TENM4: variants seen among roughly 807,000 people sequenced by gnomAD.
TENM4 encodes the protein teneurin-4.
Under a neutral mutation model 243.3 loss-of-function variants are expected in TENM4, and 82 were observed. That is an observed-to-expected ratio of 0.34 (90% CI 0.28 to 0.40). TENM4 has a LOEUF of 0.40. TENM4 is among the 10% of genes least tolerant of loss of function. TENM4 has a pLI of 1.00. For synonymous variants in TENM4, 1,412 were observed against 1,456.3 expected (o/e 0.97, Z 0.69); for missense variants, 3,138 against 3,673.3 (o/e 0.85, Z 3.77).
chr11:78,955,882 G>A (rs866532372), intron 6 of TENM4, among the ~76,000 whole-genome samples: 6 of 152,280 alleles, frequency 3.9e-5, no homozygotes, highest in Non-Finnish European at 5.9e-5. Context: ...CCCTCAATGC[G>A]GGGCCATAAT....
chr11:78,687,381 GA>G (rs1858710926), intron 29 of TENM4, among the ~76,000 whole-genome samples: 1 of 152,186 alleles, frequency 6.6e-6, no homozygotes, highest in Non-Finnish European at 1.5e-5. Flanking sequence ...GAGGTACAAA[GA>G]GCCATCCAGC....
chr11:79,060,701 T>C (rs1031928706), intron 6 of TENM4, among the ~76,000 whole-genome samples: 39 of 152,210 alleles, frequency 2.6e-4, no homozygotes, highest in African/African-American at 8.7e-4. Flanking sequence ...TCTGCCAACT[T>C]GCTGACTCGC....
At chr11:78,761,110 A>G (rs183458704) in intron 18 of TENM4, among the ~76,000 whole-genome samples, 46 of 151,726 alleles carry the variant, frequency 3.0e-4, no homozygotes, top group African/African-American at 1.1e-3. Context: ...TGCATGTTGT[A>G]GTTGTTGATT....
At chr11:79,411,568 C>T (rs539134994) in intron 1 of TENM4, among the ~76,000 whole-genome samples, 1 of 152,240 alleles carries the variant, frequency 6.6e-6, no homozygotes, top group East Asian at 1.9e-4. Flanking sequence ...TCCTCTCTTC[C>T]CCCTTGTCAT....
chr11:79,105,838 T>C (rs1399061139), intron 4 of TENM4, among the ~76,000 whole-genome samples: 1 of 152,236 alleles, frequency 6.6e-6, no homozygotes, highest in African/African-American at 2.4e-5. Context: ...AGAACCAGCT[T>C]ATGCCGGGTG....
At chr11:79,360,674 T>G (rs481975) in intron 1 of TENM4, among the ~76,000 whole-genome samples, 111,240 of 152,114 alleles carry the variant, frequency 0.73, 40,926 homozygotes, top group Middle Eastern at 0.8. Flanking sequence ...GACTGTCAGA[T>G]TTTTAGCCGT....
At chr11:79,360,277 A>G (rs569425454) in intron 1 of TENM4, among the ~76,000 whole-genome samples, 1 of 152,342 alleles carries the variant, frequency 6.6e-6, no homozygotes, top group African/African-American at 2.4e-5. Flanking sequence ...GATTTCAAAA[A>G]TTTCTTGTAC....
intron 7 of TENM4, among the ~76,000 whole-genome samples, chr11:78,900,932 C>A (rs548922): frequency 0.22 from 33,365 of 152,116 alleles, 3,909 homozygotes; most frequent in Middle Eastern, 0.3. Context: ...GAATTAAGCA[C>A]CTTTTCCGGC....
chr11:79,337,862 C>T (rs942976852), intron 1 of TENM4, among the ~76,000 whole-genome samples: 1 of 152,196 alleles, frequency 6.6e-6, no homozygotes, highest in Non-Finnish European at 1.5e-5. Flanking sequence ...TATCGCTATC[C>T]ACACTCTGCA....
At chr11:79,226,160 A>G (rs1429124291) in intron 2 of TENM4, among the ~76,000 whole-genome samples, 2 of 152,230 alleles carry the variant, frequency 1.3e-5, no homozygotes, top group Non-Finnish European at 2.9e-5. Flanking sequence ...TTCCCAATCC[A>G]AACACAACTG....
chr11:78,751,018 C>G (rs1181833034), intron 19 of TENM4, among the ~76,000 whole-genome samples: 2 of 152,044 alleles, frequency 1.3e-5, no homozygotes, highest in Non-Finnish European at 1.5e-5. Flanking sequence ...TAGCATGGAC[C>G]ACAGGCGTGC....
chr11:78,872,427 G>C (rs1464042798), intron 9 of TENM4, among the ~76,000 whole-genome samples: 1 of 152,214 alleles, frequency 6.6e-6, no homozygotes, highest in Non-Finnish European at 1.5e-5. Flanking sequence ...CTGGTGTGAG[G>C]AGTCAGCATT....
intron 1 of TENM4, among the ~76,000 whole-genome samples, chr11:79,367,645 T>C (rs1857702300): frequency 6.6e-6 from 1 of 152,206 alleles, no homozygotes; most frequent in Admixed American, 6.5e-5. Context: ...GCTTCAGAAA[T>C]AACTGACTTA....
intron 6 of TENM4, among the ~76,000 whole-genome samples, chr11:79,032,339 G>A (rs1324410842): frequency 6.6e-6 from 1 of 152,088 alleles, no homozygotes; most frequent in African/African-American, 2.4e-5. Flanking sequence ...ACCTCGAAGG[G>A]TCCATAGGAG....
intron 3 of TENM4, among the ~76,000 whole-genome samples, chr11:79,203,597 A>G (rs1863790228): frequency 6.6e-6 from 1 of 152,356 alleles, no homozygotes; most frequent in Admixed American, 6.5e-5. Context: ...AAATAGAGAA[A>G]TTATAACAAT....
chr11:79,247,004 C>T (rs549120580), intron 2 of TENM4, among the ~76,000 whole-genome samples: 76 of 150,074 alleles, frequency 5.1e-4, no homozygotes, highest in African/African-American at 1.8e-3. Flanking sequence ...AAAAACACCC[C>T]CCCACCCCCA....
chr11:79,211,545 C>T (rs923200204), intron 3 of TENM4, among the ~76,000 whole-genome samples: 2 of 152,116 alleles, frequency 1.3e-5, no homozygotes, highest in East Asian at 1.9e-4. Context: ...GTGGAGTTTT[C>T]GAGGTTGAAT....
intron 22 of TENM4, among the ~76,000 whole-genome samples, chr11:78,726,674 G>A (rs1186534688): frequency 6.6e-6 from 1 of 152,062 alleles, no homozygotes; most frequent in East Asian, 1.9e-4. Flanking sequence ...TGGTGAGCGA[G>A]TTCTCCTGAG....
At chr11:79,285,116 T>C (rs1168881117) in intron 2 of TENM4, among the ~76,000 whole-genome samples, 5 of 152,084 alleles carry the variant, frequency 3.3e-5, no homozygotes, top group Non-Finnish European at 7.4e-5. Flanking sequence ...TGGGCATCTG[T>C]AGTCCCAGCT....
Sources: allele counts gnomAD v4.1 joint callset (sites outside exome capture counted in the v4.1 genomes callset), GRCh38; gene constraint gnomAD v4.1.1; transcripts MANE v1.5; gene names NCBI Gene and HGNC (gene_info 2026-07-23, HGNC 2026-07-21).